TBC1D19: variants seen among roughly 807,000 people sequenced by gnomAD.
TBC1D19 encodes the protein TBC1 domain family, member 19.
In TBC1D19, 60 loss-of-function variants were observed where a neutral mutation model predicts 89.0. That is an observed-to-expected ratio of 0.67 (90% CI 0.55 to 0.84). The LOEUF is 0.84. Among genes scored for constraint, TBC1D19 ranks in the 40% least tolerant of loss-of-function variants. TBC1D19 has a pLI of 0.00. For synonymous variants in TBC1D19, 189 were observed against 199.7 expected (o/e 0.95, Z 0.45); for missense variants, 500 against 610.8 (o/e 0.82, Z 1.91).
chr4:26,608,967 C>T (rs552786387), intron 1 of TBC1D19, among the ~76,000 whole-genome samples: 17 of 144,650 alleles, frequency 1.2e-4, no homozygotes, highest in East Asian at 6.2e-4. Flanking sequence ...AACCAAACAC[C>T]GCATGTTCTC....
chr4:26,734,979 T>TATGTATACAC (rs1717906418), intron 15 of TBC1D19, among the ~76,000 whole-genome samples: 1 of 149,338 alleles, frequency 6.7e-6, no homozygotes, highest in Non-Finnish European at 1.5e-5. Context: ...TGTATACACA[T>TATGTATACAC]ATGTATATGT....
chr4:26,814,161 T>A, the TBC1D19 span, among the ~76,000 whole-genome samples: 1 of 152,162 alleles, frequency 6.6e-6, no homozygotes, highest in African/African-American at 2.4e-5. Flanking sequence ...GATACATTGG[T>A]AGACCACGGT....
At chr4:26,734,164 C>T (rs116986634) in intron 15 of TBC1D19, among the ~76,000 whole-genome samples, 2 of 152,254 alleles carry the variant, frequency 1.3e-5, no homozygotes, top group East Asian at 3.9e-4. Flanking sequence ...GTTTGGCTCA[C>T]TATGAGAAAA....
chr4:26,685,291 T>C (rs1713712007), intron 12 of TBC1D19, among the ~76,000 whole-genome samples: 1 of 152,220 alleles, frequency 6.6e-6, no homozygotes, highest in African/African-American at 2.4e-5. Context: ...CCAGTGCCAA[T>C]GCCTGTTTTT....
At position 26,638,856 on chromosome 4, in the gene TBC1D19, A is replaced by G. The variant is rs761779722; in HGVS notation, c.433+22A>G. 3.2e-6 allele frequency: 5 copies of G among 1,565,776 alleles called. No individual in the cohort carries two copies. In the African/African-American group the frequency reaches 6.9e-5, roughly 21 times the overall value. On this transcript the variant is annotated intron_variant, in intron 6 of 20. Coordinates refer to ENST00000264866, the MANE Select transcript of TBC1D19 (RefSeq NM_018317.4). ...CCAGGTATGTGAACAATTTTTTCTG[A>G]ATGTAGTAGTGGAAAAATAATTGCC...
At chr4:26,736,807 G>T (rs1718077047) in intron 16 of TBC1D19, among the ~76,000 whole-genome samples, 3 of 152,194 alleles carry the variant, frequency 2.0e-5, no homozygotes, top group Non-Finnish European at 1.5e-5. Flanking sequence ...TCAGTCACCT[G>T]AGATACACGT....
At chr4:26,792,988 A>G in the TBC1D19 span, among the ~76,000 whole-genome samples, 8 of 152,236 alleles carry the variant, frequency 5.3e-5, no homozygotes, top group Non-Finnish European at 1.2e-4. Context: ...CTCCCAAGTC[A>G]AAAGTTCAAA....
At chr4:26,578,202 A>G (rs776498841) in intron 1 of TBC1D19, among the ~76,000 whole-genome samples, 1 of 152,156 alleles carries the variant, frequency 6.6e-6, no homozygotes, top group Non-Finnish European at 1.5e-5. Context: ...CCCGCCAGTT[A>G]TGCAGTAGAG....
intron 12 of TBC1D19, among the ~76,000 whole-genome samples, 170 bp downstream of exon 12, chr4:26,683,919 T>G (rs564987063): frequency 1.3e-5 from 2 of 152,320 alleles, no homozygotes; most frequent in Admixed American, 1.3e-4. Flanking sequence ...ATTTGCAGTT[T>G]GCATTCTCTG....
intron 13 of TBC1D19, among the ~76,000 whole-genome samples, chr4:26,712,797 G>A (rs192751550): frequency 2.4e-4 from 37 of 152,088 alleles, no homozygotes; most frequent in Non-Finnish European, 3.5e-4. Context: ...GGAGCAACCT[G>A]CTTTCATGGC....
chr4:26,760,280 A>G (rs1719412018), downstream of TBC1D19, among the ~76,000 whole-genome samples: 1 of 152,216 alleles, frequency 6.6e-6, no homozygotes, highest in Non-Finnish European at 1.5e-5. Flanking sequence ...ACTAAGTTAT[A>G]GGCTAGGTGT....
chr4:26,850,373 C>T, the TBC1D19 span, among the ~76,000 whole-genome samples: 1 of 151,214 alleles, frequency 6.6e-6, no homozygotes, highest in Non-Finnish European at 1.5e-5. Flanking sequence ...CATGGTGAAA[C>T]CTCATCTCCA....
At chr4:26,802,512 G>A in the TBC1D19 span, among the ~76,000 whole-genome samples, 1 of 152,236 alleles carries the variant, frequency 6.6e-6, no homozygotes, top group Middle Eastern at 3.4e-3. Flanking sequence ...TGAGGCACAA[G>A]AGTTGCTTGA....
chr4:26,720,354 G>C (rs1336114036), intron 15 of TBC1D19, among the ~76,000 whole-genome samples: 1 of 152,116 alleles, frequency 6.6e-6, no homozygotes, highest in Non-Finnish European at 1.5e-5. Context: ...CTGTGAGAAA[G>C]CTGAGTATGC....
At position 26,659,710 on chromosome 4, in the gene TBC1D19, A is replaced by G; in HGVS notation, c.591+3A>G. On this transcript the variant is annotated splice_donor_region_variant and intron_variant, in intron 8 of 20. Transcript: ENST00000264866. ...AAGTAAAAGACATCCCTGAATTGGT[A>G]AGTATAGAAACTTAAAAATAAACAT... 1 of 1,546,926 alleles carries G rather than the reference A, an allele frequency of 6.5e-7. No homozygotes were observed. Among genetic ancestry groups the G allele is most frequent in the East Asian group, 2.3e-5 (1 of 44,106 alleles).
chr4:26,710,728 G>A (rs1159876788), intron 13 of TBC1D19, among the ~76,000 whole-genome samples: 1 of 152,166 alleles, frequency 6.6e-6, no homozygotes, highest in Admixed American at 6.5e-5. Context: ...CATTCTAACT[G>A]GTGTGAGATG....
At chr4:26,691,686 T>C (rs1714306475) in intron 13 of TBC1D19, among the ~76,000 whole-genome samples, 1 of 152,220 alleles carries the variant, frequency 6.6e-6, no homozygotes, top group Non-Finnish European at 1.5e-5. Flanking sequence ...AAACATAGCT[T>C]TTATACATAC....
intron 15 of TBC1D19, among the ~76,000 whole-genome samples, chr4:26,725,421 T>C (rs970605719): frequency 5.3e-5 from 8 of 152,010 alleles, no homozygotes; most frequent in African/African-American, 1.7e-4. Flanking sequence ...TTTCTTTTTT[T>C]CTCCCCCCAA....
At chr4:26,708,763 A>G (rs1715931111) in intron 13 of TBC1D19, among the ~76,000 whole-genome samples, 1 of 151,172 alleles carries the variant, frequency 6.6e-6, no homozygotes, top group Non-Finnish European at 1.5e-5. Flanking sequence ...GAATCCCTCT[A>G]CTGAGTTTTT....
Sources: allele counts gnomAD v4.1 joint callset (sites outside exome capture counted in the v4.1 genomes callset), GRCh38; gene constraint gnomAD v4.1.1; transcripts MANE v1.5; gene names NCBI Gene and HGNC (gene_info 2026-07-23, HGNC 2026-07-21).